TXNDC16: variants seen among roughly 807,000 people sequenced by gnomAD.
TXNDC16 encodes the protein thioredoxin domain-containing protein 16.
Under a neutral mutation model 85.6 loss-of-function variants are expected in TXNDC16, and 74 were observed. That is an observed-to-expected ratio of 0.86 (90% CI 0.72 to 1.05). The LOEUF is 1.05. Ranked by LOEUF, TXNDC16 falls within the 50% of genes least tolerant of loss-of-function variation. TXNDC16 has a pLI of 0.00. For synonymous variants in TXNDC16, 335 were observed against 326.5 expected, an observed-to-expected ratio of 1.03 and a Z score of -0.28; for missense variants, 959 against 947.0, an observed-to-expected ratio of 1.01 and a Z score of -0.17.
chr14:52,527,128 T>C (rs937718826), intron 6 of TXNDC16, among the ~76,000 whole-genome samples: 2 of 152,178 alleles, frequency 1.3e-5, no homozygotes, highest in African/African-American at 4.8e-5. Flanking sequence ...TGTGAGCCAC[T>C]CTAGAGAAAC....
chr14:52,467,627 G>A (rs2035807982), intron 16 of TXNDC16, among the ~76,000 whole-genome samples: 1 of 152,112 alleles, frequency 6.6e-6, no homozygotes, highest in African/African-American at 2.4e-5. Context: ...AAAGTCATTG[G>A]AACCCCTGTA....
chr14:52,518,560 T>G (rs999254593), intron 7 of TXNDC16, among the ~76,000 whole-genome samples: 2 of 152,130 alleles, frequency 1.3e-5, no homozygotes, highest in African/African-American at 4.8e-5. Context: ...AAATTCAAAT[T>G]TATTGCCACC....
At chr14:52,551,127 C>G (rs944813877) in intron 1 of TXNDC16, among the ~76,000 whole-genome samples, 6 of 152,046 alleles carry the variant, frequency 3.9e-5, no homozygotes, top group African/African-American at 1.4e-4. Context: ...TGTCAGCATA[C>G]CTATAAAGAA....
At chr14:52,507,661 C>A (rs1320620466) in intron 9 of TXNDC16, among the ~76,000 whole-genome samples, 4 of 152,208 alleles carry the variant, frequency 2.6e-5, no homozygotes, top group Non-Finnish European at 4.4e-5. Flanking sequence ...TGACTTCAAA[C>A]TATACTACAA....
intron 9 of TXNDC16, among the ~76,000 whole-genome samples, chr14:52,504,932 T>TA (rs1257944003): frequency 6.6e-6 from 1 of 152,064 alleles, no homozygotes; most frequent in South Asian, 2.1e-4. Flanking sequence ...TAGACTCTGA[T>TA]AAAACAGACT....
chr14:52,545,946 CT>C (rs951671941), intron 1 of TXNDC16, among the ~76,000 whole-genome samples: 597 of 149,080 alleles, frequency 4.0e-3, no homozygotes, highest in African/African-American at 0.013. Flanking sequence ...TACTTGGTGA[CT>C]TTTTTTTTTC....
intron 9 of TXNDC16, among the ~76,000 whole-genome samples, chr14:52,505,466 A>C (rs1017551052): frequency 6.6e-6 from 1 of 152,254 alleles, no homozygotes; most frequent in African/African-American, 2.4e-5. Context: ...CTGAAGGAAT[A>C]CTGGGTACAT....
intron 1 of TXNDC16, among the ~76,000 whole-genome samples, chr14:52,547,485 T>C (rs2037963315): frequency 6.6e-6 from 1 of 152,260 alleles, no homozygotes; most frequent in South Asian, 2.1e-4. Flanking sequence ...TGATGTTCTT[T>C]ATTTCACTTT....
chr14:52,483,073 G>T, intron 12 of TXNDC16, 108 bp from the exon 13 acceptor site: 1 of 925,244 alleles, frequency 1.1e-6, no homozygotes, highest in Non-Finnish European at 1.5e-6. Context: ...ACAAACTTTT[G>T]AATTCATCCT....
At chr14:52,513,646 T>TTC (rs1271936714) in intron 8 of TXNDC16, among the ~76,000 whole-genome samples, 50 of 139,098 alleles carry the variant, frequency 3.6e-4, no homozygotes, top group African/African-American at 1.4e-3. Flanking sequence ...TATATACATA[T>TTC]TCTGTGTGTG....
At chr14:52,549,864 C>T (rs927145020) in intron 1 of TXNDC16, among the ~76,000 whole-genome samples, 1 of 152,116 alleles carries the variant, frequency 6.6e-6, no homozygotes, top group South Asian at 2.1e-4. Context: ...GTCTTGATCT[C>T]CTGACCTCGT....
chr14:52,456,298 C>G (rs1489632030), intron 17 of TXNDC16, among the ~76,000 whole-genome samples: 1 of 152,130 alleles, frequency 6.6e-6, no homozygotes, highest in East Asian at 1.9e-4. Flanking sequence ...TGGACCACAG[C>G]TAGACGCACA....
At chr14:52,498,625 C>A (rs2036587214) in intron 9 of TXNDC16, among the ~76,000 whole-genome samples, 1 of 151,830 alleles carries the variant, frequency 6.6e-6, no homozygotes, top group Non-Finnish European at 1.5e-5. Context: ...AGGTAAAAGA[C>A]CCTTATACTG....
chr14:52,454,714 G>C (rs1471925470), intron 18 of TXNDC16, among the ~76,000 whole-genome samples: 2 of 150,854 alleles, frequency 1.3e-5, no homozygotes, highest in African/African-American at 4.9e-5. Flanking sequence ...TACTTGGGAG[G>C]CTGAGGCAGG....
chr14:52,484,198 AGG>A (rs71125109), intron 12 of TXNDC16, among the ~76,000 whole-genome samples: 6 of 140,452 alleles, frequency 4.3e-5, no homozygotes, highest in East Asian at 4.3e-4. Context: ...CAAAACAATA[AGG>A]GGGGGGGGTG....
chr14:52,444,518 T>C (rs778901453), intron 18 of TXNDC16, among the ~76,000 whole-genome samples: 24 of 152,170 alleles, frequency 1.6e-4, no homozygotes, highest in Non-Finnish European at 2.1e-4. Context: ...CTCTAAAGCC[T>C]ATTTAATCTT....
chr14:52,482,214 T>C lies in TXNDC16; in HGVS notation c.1312+16A>G. On this transcript the variant is annotated intron_variant, in intron 14 of 20. Transcript: ENST00000281741. Reference sequence around the variant, plus strand: ...TTAGAATCAGAATAATAAGCATGCATAGCACAGTACACTACCTTTCAGTTT... The same window carrying C: ...TTAGAATCAGAATAATAAGCATGCACAGCACAGTACACTACCTTTCAGTTT... 3.1e-6 allele frequency: 5 copies of C among 1,603,548 alleles called. No homozygotes were observed. The South Asian group carries it at 3.4e-5, about 11-fold the overall frequency.
chr14:52,495,012 A>C (rs1029566760), intron 9 of TXNDC16, among the ~76,000 whole-genome samples: 79 of 152,354 alleles, frequency 5.2e-4, no homozygotes, highest in African/African-American at 1.8e-3. Context: ...CTGAAAATTC[A>C]GATTTGAGAA....
chr14:52,469,862 A>C (rs2035862271), intron 16 of TXNDC16, among the ~76,000 whole-genome samples, 175 bp downstream of exon 16: 1 of 152,210 alleles, frequency 6.6e-6, no homozygotes, highest in African/African-American at 2.4e-5. Context: ...AGATGGAAGA[A>C]ATTACATCAA....
Sources: gnomAD v4.1 joint callset for allele counts (sites outside exome capture counted in the v4.1 genomes callset) on GRCh38, gnomAD v4.1.1 for gene constraint, MANE v1.5 for transcripts, NCBI Gene and HGNC (gene_info 2026-07-23, HGNC 2026-07-21) for gene names.